DCUN1D4: variants seen among roughly 807,000 people sequenced by gnomAD.
DCUN1D4 encodes DCN1-like protein 4.
In DCUN1D4, 22 loss-of-function variants were observed where a neutral mutation model predicts 47.9. That is an observed-to-expected ratio of 0.46 (90% CI 0.33 to 0.66). DCUN1D4 has a LOEUF of 0.66. Ranked by LOEUF, DCUN1D4 falls within the 30% of genes least tolerant of loss-of-function variation. The pLI, the probability that DCUN1D4 is intolerant of heterozygous loss-of-function variation, is 0.02. For missense variants in DCUN1D4, 301 were observed against 340.8 expected, an observed-to-expected ratio of 0.88 and a Z score of 0.92; for synonymous variants, 121 against 112.2, an observed-to-expected ratio of 1.08 and a Z score of -0.50.
intron 3 of DCUN1D4, among the ~76,000 whole-genome samples, chr4:51,867,400 C>A (rs963336833): frequency 2.0e-5 from 3 of 152,228 alleles, no homozygotes; most frequent in African/African-American, 7.2e-5. Context: ...CTCTTTTAGT[C>A]CTGCCATTTG....
At chr4:51,834,042 T>TCTC in the DCUN1D4 span, among the ~76,000 whole-genome samples, 1 of 51,882 alleles carries the variant, frequency 1.9e-5, no homozygotes, top group African/African-American at 1.0e-4. Context: ...TTAGGAGTCT[T>TCTC]TCTCTCTCTC....
upstream of DCUN1D4, chr4:51,842,981 A>T: frequency 8.5e-7 from 1 of 1,170,430 alleles, no homozygotes; most frequent in Non-Finnish European, 1.1e-6. Flanking sequence ...ACAAGGCCCC[A>T]GGACCAATCG....
intron 5 of DCUN1D4, chr4:51,884,349 T>C (rs796296801): frequency 3.9e-4 from 60 of 152,302 alleles, no homozygotes; most frequent in African/African-American, 1.4e-3. Context: ...TTACTTTGTA[T>C]TGAGGTTACT....
At chr4:51,888,551 G>T (rs1729896117) in intron 6 of DCUN1D4, among the ~76,000 whole-genome samples, 1 of 151,276 alleles carries the variant, frequency 6.6e-6, no homozygotes, top group South Asian at 2.1e-4. Context: ...GACCAGCCTG[G>T]CCAATAAGGC....
intron 8 of DCUN1D4, among the ~76,000 whole-genome samples, chr4:51,899,651 C>A (rs1731803465): frequency 6.6e-6 from 1 of 152,160 alleles, no homozygotes; most frequent in African/African-American, 2.4e-5. Context: ...TACACACTGT[C>A]TTAAATGTCT....
At chr4:51,900,503 G>C (rs1731945359) in intron 8 of DCUN1D4, among the ~76,000 whole-genome samples, 1 of 152,092 alleles carries the variant, frequency 6.6e-6, no homozygotes, top group African/African-American at 2.4e-5. Context: ...GGAGGCTGAG[G>C]CAGAAAGATC....
intron 6 of DCUN1D4, among the ~76,000 whole-genome samples, chr4:51,888,180 A>G (rs919091530): frequency 2.6e-5 from 4 of 152,176 alleles, no homozygotes; most frequent in African/African-American, 7.2e-5. Context: ...CGTAGTAAGT[A>G]TATGACAGAG....
At chr4:51,839,174 AAG>A (rs1487097532), upstream of DCUN1D4, among the ~76,000 whole-genome samples, 2 of 146,320 alleles carry the variant, frequency 1.4e-5, no homozygotes, top group African/African-American at 5.2e-5. Flanking sequence ...AGAAGGAAGG[AAG>A]GAAGAAAGGA....
intron 1 of DCUN1D4, chr4:51,844,250 C>G (rs910270188): frequency 1.2e-6 from 1 of 853,452 alleles, no homozygotes; most frequent in Admixed American, 6.3e-5. Flanking sequence ...GGAGGTACTT[C>G]CTCTCCCTGT....
chr4:51,902,192 A>G (rs2110106780), intron 8 of DCUN1D4, among the ~76,000 whole-genome samples: 1 of 152,308 alleles, frequency 6.6e-6, no homozygotes. Flanking sequence ...GGTCCAGAAT[A>G]TGGTCTGCTG....
intron 2 of DCUN1D4, 40 bp from the exon 3 acceptor site, chr4:51,863,630 G>A (rs1214854338): frequency 1.2e-6 from 2 of 1,607,952 alleles, no homozygotes; most frequent in South Asian, 1.1e-5. Flanking sequence ...AATGCTAACG[G>A]TATGTGATTT....
At position 51,899,364 on chromosome 4, in the gene DCUN1D4, T is replaced by C; in HGVS notation, c.601T>C (p.Phe201Leu). 1 of 1,607,280 alleles carries C rather than the reference T, an allele frequency of 6.2e-7. No homozygotes were observed. The highest frequency in any genetic ancestry group is 8.5e-7 in the Non-Finnish European group (1 of 1,176,886). ...CTTTAAACTTATTTACAGATATGCGTTTGACTTTGCACGGGTGAGTTCTCT... is the reference window on the plus strand; with the variant it reads ...CTTTAAACTTATTTACAGATATGCGCTTGACTTTGCACGGGTGAGTTCTCT... ...TNFKLIYRYA[F>L]DFAREKDQRS... Residue 201 changes from phenylalanine (F) to leucine (L), a missense_variant, in exon 8 of 11, where the codon TTT (phenylalanine) becomes CTT (leucine). Coordinates refer to ENST00000334635, the MANE Select transcript of DCUN1D4 (RefSeq NM_001040402.3).
intron 1 of DCUN1D4, among the ~76,000 whole-genome samples, chr4:51,863,121 G>A (rs577449394): frequency 6.6e-6 from 1 of 152,336 alleles, no homozygotes; most frequent in Non-Finnish European, 1.5e-5. Flanking sequence ...AGGGGAAAGT[G>A]AACATTTCAT....
chr4:51,896,785 T>A (rs922638230), intron 7 of DCUN1D4, among the ~76,000 whole-genome samples: 2 of 152,166 alleles, frequency 1.3e-5, no homozygotes, highest in Non-Finnish European at 2.9e-5. Context: ...TCCTTCTCCA[T>A]GGAGATCAAG....
Position 51,913,279 on chromosome 4 carries a change from C to T in DCUN1D4, c.721-11C>T. 4 of 1,552,204 alleles carry T rather than the reference C, an allele frequency of 2.6e-6. No homozygotes were observed. The highest frequency in any genetic ancestry group is 1.1e-5 in the South Asian group (1 of 87,210). The stretch of plus-strand genomic sequence containing the variant: ...AGTGTCAGTAATTCATATTACTTTT[C>T]CCTCCATCAGCAATCAAAATACAAA... On this transcript the variant is annotated splice_polypyrimidine_tract_variant and intron_variant, in intron 9 of 10. Transcript: ENST00000334635.
intron 1 of DCUN1D4, among the ~76,000 whole-genome samples, chr4:51,861,052 T>C (rs1436271303): frequency 6.6e-6 from 1 of 152,200 alleles, no homozygotes; most frequent in Non-Finnish European, 1.5e-5. Context: ...ATCTTCCAGG[T>C]ATTGTAATGG....
intron 1 of DCUN1D4, chr4:51,844,325 C>T: frequency 1.0e-6 from 1 of 983,768 alleles, no homozygotes; most frequent in Non-Finnish European, 1.2e-6. Flanking sequence ...GGGGGCGGGG[C>T]TGAGGTGGAG....
rs1018309243 is a variant in DCUN1D4, at chr4:51,843,164, G to C, written c.-79G>C. ...GGCGGCGGGTCCTCAGCTTCGAGCC[G>C]AGGTGCAGTGAGCTGGTGGGGGGAC... On this transcript the variant is annotated 5_prime_UTR_variant, in exon 1 of 11. Coordinates refer to ENST00000334635, the MANE Select transcript of DCUN1D4 (RefSeq NM_001040402.3). The C allele has an allele frequency of 1.2e-5, 18 of 1,527,224 alleles. No individual in the cohort carries two copies. The South Asian group carries it at 1.3e-4, about 11-fold the overall frequency. 94.6% of individuals were successfully genotyped at this position (1,527,224 alleles called of 1,614,324 possible).
At chr4:51,886,964 C>T (rs1452148881) in intron 6 of DCUN1D4, 11 of 420,010 alleles carry the variant, frequency 2.6e-5, no homozygotes, top group South Asian at 3.9e-5. Context: ...TGTGTACCTT[C>T]GTGCCCCTCA....
Sources: gnomAD v4.1 joint callset for allele counts (sites outside exome capture counted in the v4.1 genomes callset) on GRCh38, gnomAD v4.1.1 for gene constraint, MANE v1.5 for transcripts, NCBI Gene and HGNC (gene_info 2026-07-23, HGNC 2026-07-21) for gene names.